Variants in GALC observed in about 807,000 individuals in gnomAD.
GALC encodes the protein galactocerebrosidase.
Under a neutral mutation model 91.8 loss-of-function variants are expected in GALC, and 77 were observed. The ratio of observed to expected loss-of-function variants is 0.84; its 90% CI spans 0.70 to 1.01. GALC has a LOEUF of 1.01. Ranked by LOEUF, GALC falls within the 50% of genes least tolerant of loss-of-function variation. The pLI is 0.00. For missense variants in GALC, 882 were observed against 855.9 expected, an observed-to-expected ratio of 1.03 and a Z score of -0.38; for synonymous variants, 357 against 306.7, an observed-to-expected ratio of 1.16 and a Z score of -1.71.
intron 8 of GALC, among the ~76,000 whole-genome samples, chr14:87,967,225 C>T (rs1425954171): frequency 6.6e-6 from 1 of 152,170 alleles, no homozygotes; most frequent in Non-Finnish European, 1.5e-5. Flanking sequence ...AGTATGGTCT[C>T]AATTTTGTAT....
chr14:87,956,511 ATGTG>A (rs112358480), intron 10 of GALC, among the ~76,000 whole-genome samples: 7 of 150,766 alleles, frequency 4.6e-5, no homozygotes, highest in Admixed American at 1.3e-4. Flanking sequence ...GTATTTCATG[ATGTG>A]TGTGTGTATA....
Position 87,993,107 on chromosome 14 carries a change from C to T in GALC, c.58G>A (p.Ala20Thr), listed in dbSNP as rs1887296879. 2 of 1,588,042 alleles carry T rather than the reference C, an allele frequency of 1.3e-6. No individual in the cohort carries two copies. Among genetic ancestry groups the T allele is most frequent in the Non-Finnish European group, 1.7e-6 (2 of 1,168,096 alleles). ...GCGGCGCGGCCCGCCGAACCCGCGG[C>T]CGCAGTCATAGCTTTCGCTCGGCGT... ...WQRRAKAMTA[A>T]AGSAGRAAVP... The change falls in exon 1 of 17, where the codon GCC becomes ACC. Residue 20 changes from alanine (A) to threonine (T), a missense_variant. By Grantham distance (58) the Ala-to-Thr change is moderately conservative. Coordinates refer to ENST00000261304, the MANE Select transcript of GALC (RefSeq NM_000153.4).
In GALC at chr14:87,959,335, G is replaced by A. The variant is rs141479556; in HGVS notation, c.1161+4049C>T. On this transcript the variant is annotated intron_variant, in intron 10 of 16. Transcript: ENST00000261304. Reference sequence around the variant, plus strand: ...AACAAAAGAAAACAAGTGTTGGTGAGGATGTGGAAAAAAAGAAATACTTAC... The same window carrying A: ...AACAAAAGAAAACAAGTGTTGGTGAAGATGTGGAAAAAAAGAAATACTTAC... Among the ~76,000 whole-genome samples the A allele has an allele frequency of 8.1e-3, 1,227 of 152,258 alleles. 38 individuals are homozygous for A. Among genetic ancestry groups the A allele is most frequent in the Admixed American group, 0.053 (804 of 15,272 alleles).
At chr14:87,992,656 T>C (rs766596237) in intron 1 of GALC, 791 of 1,440,228 alleles carry the variant, frequency 5.5e-4, no homozygotes, top group Non-Finnish European at 6.9e-4. Context: ...CCCCACTGCC[T>C]GGGACGAGGG....
At chr14:87,992,434 C>T in intron 1 of GALC, 1 of 1,535,322 alleles carries the variant, frequency 6.5e-7, no homozygotes, top group Non-Finnish European at 8.7e-7. Context: ...CTATTCGGCG[C>T]TACCCTCTCT....
rs72629373 is a variant in GALC, at chr14:87,972,425, G to C, written c.752+3933C>G. 8.1e-3 allele frequency among the ~76,000 whole-genome samples: 1,230 copies of C among 152,188 alleles called. 55 individuals carry two copies. The East Asian group carries it at 0.12, about 15-fold the overall frequency. On this transcript the variant is annotated intron_variant, in intron 7 of 16. Coordinates refer to ENST00000261304, the MANE Select transcript of GALC (RefSeq NM_000153.4). Reference sequence around the variant, plus strand: ...TTCCAAGGAAAAATCTTTCCAAGAGGAGATATCAGTAACCAAGCTTCTTGG... The same window carrying C: ...TTCCAAGGAAAAATCTTTCCAAGAGCAGATATCAGTAACCAAGCTTCTTGG...
At chr14:87,952,810 T>C (rs1031353809) in intron 10 of GALC, 18 of 1,469,828 alleles carry the variant, frequency 1.2e-5, no homozygotes, top group South Asian at 5.7e-5. Context: ...TCCCAGAAGA[T>C]TCACTCCTCT....
At chr14:87,961,223 T>C (rs541602215) in intron 10 of GALC, among the ~76,000 whole-genome samples, 3 of 152,298 alleles carry the variant, frequency 2.0e-5, no homozygotes, top group Non-Finnish European at 2.9e-5. Flanking sequence ...CCCACATCAT[T>C]AGTCCCTAGG....
chr14:87,980,969 T>A (rs771989471), intron 6 of GALC, among the ~76,000 whole-genome samples: 11 of 152,224 alleles, frequency 7.2e-5, no homozygotes, highest in Admixed American at 1.3e-4. Context: ...CATGTGCAAG[T>A]ATCTTTTTTG....
At chr14:87,978,031 A>G (rs1383915676) in intron 6 of GALC, among the ~76,000 whole-genome samples, 3 of 152,120 alleles carry the variant, frequency 2.0e-5, no homozygotes, top group African/African-American at 2.4e-5. Context: ...AGGAGGATCA[A>G]TCCTGAATTT....
chr14:87,966,308 ATTCT>A (rs1469579173), intron 8 of GALC, among the ~76,000 whole-genome samples: 1 of 152,170 alleles, frequency 6.6e-6, no homozygotes, highest in Admixed American at 6.6e-5. Context: ...TTTGTGGCCC[ATTCT>A]TTCTCAGATG....
At position 87,946,882 on chromosome 14, in the gene GALC, C is replaced by T. The variant is rs1885094986; in HGVS notation, c.1489+846G>A. Reference sequence around the variant, plus strand: ...CAGTCCAAAAGGCCTTATACTCCAGCCAACTAGATCATTTCCTGAGAAAGG... The same window carrying T: ...CAGTCCAAAAGGCCTTATACTCCAGTCAACTAGATCATTTCCTGAGAAAGG... On this transcript the variant is annotated intron_variant, in intron 13 of 16. Transcript: ENST00000261304. Among the ~76,000 whole-genome samples, 3 of 151,854 alleles carry T rather than the reference C, an allele frequency of 2.0e-5. 1 individual carries two copies. Among genetic ancestry groups the T allele is most frequent in the South Asian group, 4.2e-4 (2 of 4,814 alleles).
At chr14:87,973,687 C>A (rs771739221) in intron 7 of GALC, among the ~76,000 whole-genome samples, 1 of 152,166 alleles carries the variant, frequency 6.6e-6, no homozygotes, top group African/African-American at 2.4e-5. Flanking sequence ...GAAGAAGAAA[C>A]CAAGAGTATT....
At chr14:87,985,186 A>G (rs1369692127) in intron 4 of GALC, among the ~76,000 whole-genome samples, 1 of 152,094 alleles carries the variant, frequency 6.6e-6, no homozygotes, top group African/African-American at 2.4e-5. Context: ...GTAGAAAAGT[A>G]CTTATTATAA....
chr14:87,954,605 T>C, intron 10 of GALC: 2 of 1,590,552 alleles, frequency 1.3e-6, no homozygotes, highest in South Asian at 1.1e-5. Flanking sequence ...AAGTGCACCT[T>C]CCTTTTGGAA....
chr14:87,937,414 A>G (rs1884625057), intron 16 of GALC, among the ~76,000 whole-genome samples: 1 of 151,958 alleles, frequency 6.6e-6, no homozygotes, highest in African/African-American at 2.4e-5. Context: ...AGATAGTTAC[A>G]GAAGACCCTC....
chr14:87,950,689 T>A lies in GALC; in HGVS notation c.1221A>T (p.Gln407His), dbSNP rs747714175. 4 of 1,607,368 alleles carry A rather than the reference T, an allele frequency of 2.5e-6. No individual in the cohort carries two copies. The Admixed American group carries it at 6.7e-5, about 27-fold the overall frequency. Residue 407 changes from glutamine (Q) to histidine (H), a missense_variant, in exon 11 of 17, where the codon CAA becomes CAT. Physicochemically the swap from Gln to His is conservative, Grantham distance 24. Transcript: ENST00000261304. ...PFLPYFNVSQ[Q>H]FATFVLKGSF... ...ATCCCTTAAGAACAAAGGTGGCAAA[T>A]TGTTGTGACACATTGAAATAAGGAA...
At chr14:87,960,545 T>C (rs1351600143) in intron 10 of GALC, among the ~76,000 whole-genome samples, 1 of 152,312 alleles carries the variant, frequency 6.6e-6, no homozygotes, top group East Asian at 1.9e-4. Context: ...TATGACAAAG[T>C]TGAAATACTC....
chr14:87,952,755 A>C, intron 10 of GALC: 1 of 1,527,984 alleles, frequency 6.5e-7, no homozygotes, highest in Non-Finnish European at 9.0e-7. Context: ...TGTTCATGTG[A>C]AAGATTACTT....
Sources: allele counts gnomAD v4.1 joint callset (sites outside exome capture counted in the v4.1 genomes callset), GRCh38; gene constraint gnomAD v4.1.1; transcripts MANE v1.5; gene names NCBI Gene and HGNC (gene_info 2026-07-23, HGNC 2026-07-21).